The following LAMA3 variants were observed in gnomAD, a reference collection of about 807,000 sequenced individuals.
The protein encoded by LAMA3 is laminin subunit alpha-3.
LAMA3 carries 281 observed loss-of-function variants against 402.0 expected under a neutral mutation model. The ratio of observed to expected loss-of-function variants is 0.70; its 90% confidence interval spans 0.63 to 0.77. The LOEUF (loss-of-function observed/expected upper bound fraction) is 0.77, where lower values mean the gene tolerates loss of function less well. LAMA3 is among the 30% of genes least tolerant of loss of function. The probability of loss-of-function intolerance (pLI) is 0.00; values close to 1 mark genes in which losing one functional copy is unlikely to be tolerated. For missense variants in LAMA3, 3,840 were observed against 4,215.5 expected, an observed-to-expected ratio of 0.91 and a Z score of 2.47; for synonymous variants, 1,431 against 1,558.4, an observed-to-expected ratio of 0.92 and a Z score of 1.93.
chr18:23,887,294 A>T (rs1347309664), intron 41 of LAMA3, among the ~76,000 whole-genome samples: 1 of 152,158 alleles, frequency 6.6e-6, no homozygotes, highest in Non-Finnish European at 1.5e-5. Context: ...CCAACCAGCG[A>T]GAAGGGAAGG....
chr18:23,924,354 GT>G (rs1397849764), intron 62 of LAMA3, among the ~76,000 whole-genome samples: 1 of 151,422 alleles, frequency 6.6e-6, no homozygotes, highest in Non-Finnish European at 1.5e-5. Flanking sequence ...GGTTCCCCAT[GT>G]TGTCCAGGCT....
chr18:23,847,768 G>A, intron 32 of LAMA3, 100 bp downstream of exon 32: 1 of 1,264,380 alleles, frequency 7.9e-7, no homozygotes, highest in South Asian at 1.3e-5. Flanking sequence ...CACCTGTCCA[G>A]GGGTGCCCTG....
chr18:23,761,710 G>A (rs2061973174), intron 7 of LAMA3, among the ~76,000 whole-genome samples: 1 of 151,912 alleles, frequency 6.6e-6, no homozygotes, highest in Non-Finnish European at 1.5e-5. Context: ...TATTTTTTTT[G>A]ACAGTGAAAT....
Position 23,689,942 on chromosome 18 carries a change from G to C in LAMA3, c.259G>C (p.Gly87Arg). ...CGAGCTCTACTGCAAGTTGGTCGGG[G>C]GCCCCACCGCCCCAGGCAGCGGCCA... The part of the protein sequence containing the change: ...QPELYCKLVG[G>R]PTAPGSGHTI... Residue 87 changes from glycine (G) to arginine (R), a missense_variant, in exon 1 of 75, where the codon GGC (glycine) becomes CGC (arginine). Coordinates refer to ENST00000313654, the MANE Select transcript of LAMA3 (RefSeq NM_198129.4). 1 of 1,523,438 alleles carries C rather than the reference G, an allele frequency of 6.6e-7. No homozygotes were observed. Among genetic ancestry groups the C allele is most frequent in the Non-Finnish European group, 8.8e-7 (1 of 1,135,122 alleles). The allele number at this position is 1,523,438 out of a possible 1,614,324, so 94.4% of individuals were successfully genotyped here. A position where few individuals can be genotyped will look rare whatever the true frequency, so the allele number is the denominator to read the frequency against.
chr18:23,873,743 A>T (rs1020823254), intron 38 of LAMA3, among the ~76,000 whole-genome samples: 1 of 152,220 alleles, frequency 6.6e-6, no homozygotes, highest in African/African-American at 2.4e-5. Flanking sequence ...AGAGAAATAG[A>T]TCCTATGGCT....
At chr18:23,921,121 C>T in intron 61 of LAMA3, 67 bp downstream of exon 61, 2 of 1,505,040 alleles carry the variant, frequency 1.3e-6, no homozygotes, top group Non-Finnish European at 1.8e-6. Flanking sequence ...TAAGTCAGTG[C>T]CCCCAAATAA....
At position 23,842,533 on chromosome 18, in the gene LAMA3, T is replaced by G; in HGVS notation, c.3463+12T>G. 1.2e-6 allele frequency: 2 copies of G among 1,614,224 alleles called. No individual in the cohort carries two copies. Among genetic ancestry groups the G allele is most frequent in the Non-Finnish European group, 1.7e-6 (2 of 1,180,036 alleles). ...GTGGCCACGGGCAGGTGAGCTGCAG[T>G]GAGCAGGCCCTGCTGCCTGCCTCAG... On this transcript the variant is annotated intron_variant, in intron 28 of 74. Coordinates refer to ENST00000313654, the MANE Select transcript of LAMA3 (RefSeq NM_198129.4).
At chr18:23,857,357 C>T (rs2064106539) in intron 32 of LAMA3, among the ~76,000 whole-genome samples, 1 of 152,220 alleles carries the variant, frequency 6.6e-6, no homozygotes, top group Admixed American at 6.5e-5. Context: ...TGTGTTGTTC[C>T]CTGTACACAC....
rs150404452 is a variant in LAMA3, at chr18:23,923,558, G to A, written c.8177+1973G>A. Among the ~76,000 whole-genome samples, 599 of 152,326 alleles carry A rather than the reference G, an allele frequency of 3.9e-3. 4 individuals carry two copies. Among genetic ancestry groups the A allele is most frequent in the South Asian group, 0.018 (88 of 4,824 alleles). On this transcript the variant is annotated intron_variant, in intron 62 of 74. Coordinates refer to ENST00000313654, the MANE Select transcript of LAMA3 (RefSeq NM_198129.4). ...ATGGAACACACCAACGGAGGAGTGG[G>A]GTGAGAAGTTAAGTCTGAGACAGGC...
chr18:23,773,772 A>C (rs1274479943), intron 9 of LAMA3, among the ~76,000 whole-genome samples, 185 bp downstream of exon 9: 1 of 152,240 alleles, frequency 6.6e-6, no homozygotes, highest in African/African-American at 2.4e-5. Context: ...TTGCATGTAA[A>C]TGGAAATGAT....
intron 2 of LAMA3, among the ~76,000 whole-genome samples, chr18:23,740,148 C>G (rs1253939470): frequency 6.6e-6 from 1 of 152,158 alleles, no homozygotes; most frequent in Non-Finnish European, 1.5e-5. Context: ...GAGCTCAGAG[C>G]TGTTGGGTTC....
chr18:23,857,720 A>ATT lies in LAMA3; in HGVS notation c.4137-123_4137-122insTT. 3 of 1,212,986 alleles carry ATT rather than the reference A, an allele frequency of 2.5e-6. No homozygotes were observed. The Admixed American group carries it at 5.1e-5, about 21-fold the overall frequency. The allele number at this position is 1,212,986 out of a possible 1,614,324, so 75.1% of individuals were successfully genotyped here. ...GCCTCTCTCCATTCTGCCTTGGACT[A>ATT]TAAGCAGGCATTGTATCTATTTAAC... On this transcript the variant is annotated intron_variant, in intron 32 of 74. Transcript: ENST00000313654.
chr18:23,714,936 G>T (rs555240319), intron 2 of LAMA3, among the ~76,000 whole-genome samples: 1 of 152,262 alleles, frequency 6.6e-6, no homozygotes, highest in Admixed American at 6.5e-5. Flanking sequence ...GTCTTTTTGT[G>T]ACTGGCTTCT....
chr18:23,943,095 C>G (rs945230584), intron 68 of LAMA3, among the ~76,000 whole-genome samples: 4 of 152,188 alleles, frequency 2.6e-5, no homozygotes, highest in African/African-American at 9.7e-5. Context: ...CCCTACTTCT[C>G]CTACGACTTC....
rs538690291 is a variant in LAMA3 at position 23,802,568 on chromosome 18, A to G, written c.1604-7798A>G. ...TAATTAGTGGAACACAATTGCTTCT[A>G]TCTTCATCTGTTGATTCAGAGGAAT... On this transcript the variant is annotated intron_variant, in intron 12 of 74. Transcript: ENST00000313654. Among the ~76,000 whole-genome samples the G allele has an allele frequency of 3.3e-5, 5 of 152,308 alleles. 1 individual carries two copies. In the South Asian group the frequency reaches 1.0e-3, roughly 32 times the overall value.
intron 72 of LAMA3, among the ~76,000 whole-genome samples, chr18:23,950,999 A>C (rs1190097654): frequency 6.6e-6 from 1 of 152,224 alleles, no homozygotes; most frequent in Non-Finnish European, 1.5e-5. Flanking sequence ...GACATTGTTT[A>C]GCTCAAAAAT....
chr18:23,921,158 A>C (rs1275730360), intron 61 of LAMA3, 104 bp downstream of exon 61: 4 of 1,295,242 alleles, frequency 3.1e-6, no homozygotes, highest in Admixed American at 3.8e-5. Context: ...ATTACCAGAT[A>C]AACTTATGGA....
At chr18:23,906,787 T>C (rs1326952757) in intron 52 of LAMA3, among the ~76,000 whole-genome samples, 4 of 152,238 alleles carry the variant, frequency 2.6e-5, no homozygotes, top group Non-Finnish European at 5.9e-5. Context: ...TCTACAAAAT[T>C]TGAGCTTCGA....
intron 36 of LAMA3, among the ~76,000 whole-genome samples, chr18:23,865,412 C>T (rs2064331515): frequency 6.6e-6 from 1 of 152,226 alleles, no homozygotes; most frequent in Admixed American, 6.5e-5. Flanking sequence ...TCTGGGATTA[C>T]AGGCGTGAGC....
Sources: gnomAD v4.1 joint callset for allele counts (sites outside exome capture counted in the v4.1 genomes callset) on GRCh38, gnomAD v4.1.1 for gene constraint, MANE v1.5 for transcripts, NCBI Gene and HGNC (gene_info 2026-07-23, HGNC 2026-07-21) for gene names.